Variants in SMG7 observed in about 807,000 individuals in gnomAD.
The protein encoded by SMG7 is SMG7 nonsense mediated mRNA decay factor.
SMG7 carries 34 observed loss-of-function variants against 148.2 expected under a neutral mutation model. That is an observed-to-expected ratio of 0.23 (90% CI 0.17 to 0.31). SMG7 has a LOEUF of 0.31. Among genes scored for constraint, SMG7 ranks in the 10% least tolerant of loss-of-function variants. The probability of loss-of-function intolerance (pLI) is 1.00; values close to 1 mark genes in which losing one functional copy is unlikely to be tolerated. For synonymous variants in SMG7, 492 were observed against 515.1 expected, an observed-to-expected ratio of 0.96 and a Z score of 0.61; for missense variants, 1,114 against 1,408.4, an observed-to-expected ratio of 0.79 and a Z score of 3.35.
chr1:183,549,315 G>A, intron 19 of SMG7, 27 bp downstream of exon 19: 5 of 1,512,010 alleles, frequency 3.3e-6, no homozygotes, highest in South Asian at 1.1e-5. Flanking sequence ...GAATCCTGCT[G>A]TGTGCTTTTA....
At chr1:183,498,705 A>G (rs1478168135) in intron 1 of SMG7, among the ~76,000 whole-genome samples, 1 of 152,202 alleles carries the variant, frequency 6.6e-6, no homozygotes, top group Non-Finnish European at 1.5e-5. Context: ...TGTTATGAAC[A>G]TTCCCCACCA....
chr1:183,519,323 AT>A (rs1211959511), intron 4 of SMG7, among the ~76,000 whole-genome samples: 2 of 152,088 alleles, frequency 1.3e-5, no homozygotes, highest in Non-Finnish European at 2.9e-5. Flanking sequence ...TAGTCTCAAA[AT>A]TTATTTTAAA....
chr1:183,492,711 C>T (rs751905181), intron 1 of SMG7, among the ~76,000 whole-genome samples: 71 of 152,172 alleles, frequency 4.7e-4, no homozygotes, highest in Non-Finnish European at 8.5e-4. Context: ...TTCTGCTCTT[C>T]ACTATTTCCT....
intron 1 of SMG7, among the ~76,000 whole-genome samples, chr1:183,506,875 C>CTTTTTTTTTTT (rs71130622): frequency 8.9e-6 from 1 of 111,826 alleles, no homozygotes; most frequent in Non-Finnish European, 1.8e-5. Context: ...ACTATATATT[C>CTTTTTTTTTTT]TTTTTTTTTT....
intron 13 of SMG7, 49 bp from the exon 14 acceptor site, chr1:183,542,027 T>C: frequency 6.8e-7 from 1 of 1,472,670 alleles, no homozygotes; most frequent in Non-Finnish European, 9.2e-7. Context: ...TCAGTTGTTA[T>C]TTTTTAAGTT....
chr1:183,535,924 G>T (rs1667685090), intron 10 of SMG7, among the ~76,000 whole-genome samples: 1 of 151,944 alleles, frequency 6.6e-6, no homozygotes, highest in Non-Finnish European at 1.5e-5. Context: ...AAGGTTTGTA[G>T]CAGACGTTTA....
intron 3 of SMG7, 82 bp downstream of exon 3, chr1:183,516,073 AT>A (rs1663457509): frequency 1.2e-6 from 1 of 839,712 alleles, no homozygotes; most frequent in Admixed American, 2.3e-5. Flanking sequence ...TTCGTTATTT[AT>A]TTTTCAACCT....
rs1666155952 is a variant in SMG7 at position 183,527,836 on chromosome 1, T to A, written c.485-120T>A. 3 of 685,704 alleles carry A rather than the reference T, an allele frequency of 4.4e-6. No individual in the cohort carries two copies. Among genetic ancestry groups the A allele is most frequent in the Non-Finnish European group, 7.7e-6 (3 of 390,570 alleles). The allele number at this position is 685,704 out of a possible 1,614,324, so 42.5% of individuals were successfully genotyped here. A position where few individuals can be genotyped will look rare whatever the true frequency, so the allele number is the denominator to read the frequency against. On this transcript the variant is annotated intron_variant, in intron 5 of 22. Transcript: ENST00000688051. The surrounding 1 kb of genome is among the most constrained non-coding windows in gnomAD (Gnocchi z 4.0). ...AATTTGTTTTAAAGTATTTTGTCTT[T>A]AATTTTAAATTAACTTTAATGTCTT... is the stretch of plus-strand genomic sequence containing the variant.
At chr1:183,528,849 G>T (rs758006738) in intron 6 of SMG7, 43 bp from the exon 7 acceptor site, 1 of 1,513,010 alleles carries the variant, frequency 6.6e-7, no homozygotes, top group African/African-American at 1.4e-5. Flanking sequence ...GCAAGACTTT[G>T]TCACTCTTGG....
chr1:183,495,814 G>T (rs1658343849), intron 1 of SMG7, among the ~76,000 whole-genome samples: 1 of 151,874 alleles, frequency 6.6e-6, no homozygotes, highest in Non-Finnish European at 1.5e-5. Context: ...GTTGCAATGA[G>T]CCCAGATTGT....
At chr1:183,541,197 G>A (rs1191815062) in intron 13 of SMG7, 94 bp downstream of exon 13, 11 of 1,121,104 alleles carry the variant, frequency 9.8e-6, no homozygotes, top group African/African-American at 1.6e-5. Context: ...CATCTCATAT[G>A]TTACGTATTT....
intron 10 of SMG7, among the ~76,000 whole-genome samples, chr1:183,534,532 T>A (rs2102653163): frequency 6.6e-6 from 1 of 152,276 alleles, no homozygotes; most frequent in Middle Eastern, 3.4e-3. Flanking sequence ...TTGACCAAGG[T>A]CACAACTTAG....
At chr1:183,517,968 A>T in intron 4 of SMG7, 148 bp downstream of exon 4, 5 of 817,936 alleles carry the variant, frequency 6.1e-6, no homozygotes, top group Non-Finnish European at 9.5e-6. Flanking sequence ...TTTTTTGGCG[A>T]CAGAGTCTGA....
intron 4 of SMG7, among the ~76,000 whole-genome samples, chr1:183,521,773 G>T (rs1386655206): frequency 6.6e-6 from 1 of 151,820 alleles, no homozygotes; most frequent in Non-Finnish European, 1.5e-5. Flanking sequence ...AGCTGAGGCA[G>T]GAGGATCACT....
intron 1 of SMG7, among the ~76,000 whole-genome samples, chr1:183,476,427 G>A (rs1431026571): frequency 6.6e-6 from 1 of 152,146 alleles, no homozygotes; most frequent in Non-Finnish European, 1.5e-5. Context: ...AAATGAGCTG[G>A]GATGTCTGGC....
In SMG7 at chr1:183,529,028, T is replaced by A; in HGVS notation, c.693T>A (p.Ser231=). The A allele has an allele frequency of 6.2e-7, 1 of 1,612,644 alleles. No individual in the cohort carries two copies. The highest frequency in any genetic ancestry group is 8.5e-7 in the Non-Finnish European group (1 of 1,179,392). ...CCACTAATCTGCAAAAAGCACTTTCTAAAGCACTGGAAAGGTAGGGTTGTT... is the reference window on the plus strand; with the variant it reads ...CCACTAATCTGCAAAAAGCACTTTCAAAAGCACTGGAAAGGTAGGGTTGTT... ...AASTNLQKAL[S]KALESRDEVK... Residue 231 remains serine (S), a synonymous_variant, in exon 7 of 23, where the codon TCT becomes TCA. Coordinates refer to ENST00000688051, the MANE Select transcript of SMG7 (RefSeq NM_001375584.1).
At chr1:183,544,244 T>C in intron 14 of SMG7, 109 bp from the exon 15 acceptor site, 1 of 758,312 alleles carries the variant, frequency 1.3e-6, no homozygotes, top group Non-Finnish European at 2.1e-6. Context: ...CTTCAGCATG[T>C]ACTTTTTGAT....
chr1:183,529,494 G>T lies in SMG7; in HGVS notation c.804G>T (p.Lys268Asn), dbSNP rs772349852. The change falls in exon 8 of 23, where the codon AAG (lysine) becomes AAT (asparagine). Residue 268 changes from lysine (K) to asparagine (N), a missense_variant. This residue lies in a region of SMG7 where 216 missense variants were observed against 329.1 expected (regional missense o/e 0.66). Coordinates refer to ENST00000688051, the MANE Select transcript of SMG7 (RefSeq NM_001375584.1). ...TGTACCTGAGTAAGAGCTTGGAAAA[G>T]TTGAGCCCTCTTCGAGAGAAATTGG... is the stretch of plus-strand genomic sequence containing the variant. ...GHVYLSKSLE[K>N]LSPLREKLEE... is the part of the protein sequence containing the mutation. The T allele has an allele frequency of 6.2e-7, 1 of 1,613,170 alleles. No homozygotes were observed. The highest frequency in any genetic ancestry group is 1.7e-5 in the Admixed American group (1 of 59,968).
rs1410093174 is a variant in SMG7, at chr1:183,553,203, C to T, written c.*1272C>T. On this transcript the variant is annotated 3_prime_UTR_variant, in exon 23 of 23. Transcript: ENST00000688051. ...AAGAGACGAAAGAAAGGAAAATAAA[C>T]TCTTTGTATGATATTTATTAGGAGG... is the stretch of plus-strand genomic sequence containing the variant. The T allele has an allele frequency of 2.6e-6, 4 of 1,533,760 alleles. No homozygotes were observed. The Admixed American group carries it at 5.9e-5, about 23-fold the overall frequency.
Sources: allele counts gnomAD v4.1 joint callset (sites outside exome capture counted in the v4.1 genomes callset), GRCh38; gene constraint gnomAD v4.1.1; regional missense constraint gnomAD v4.1.1; non-coding constraint Gnocchi (gnomAD v3.1); transcripts MANE v1.5; gene names NCBI Gene and HGNC (gene_info 2026-07-23, HGNC 2026-07-21).